NME7: variants seen among roughly 807,000 people sequenced by gnomAD.
NME7 encodes the protein NME/NM23 family member 7.
Under a neutral mutation model 49.1 loss-of-function variants are expected in NME7, and 41 were observed. The observed-to-expected ratio is 0.83, with a 90% CI of 0.65 to 1.08. NME7 has a LOEUF of 1.08. NME7 is among the 50% of genes least tolerant of loss of function. NME7 has a pLI of 0.00. For missense variants in NME7, 423 were observed against 463.4 expected (o/e 0.91, Z 0.80); for synonymous variants, 139 against 150.6 (o/e 0.92, Z 0.56).
At chr1:169,164,900 C>T (rs1052995690) in intron 11 of NME7, among the ~76,000 whole-genome samples, 4 of 152,232 alleles carry the variant, frequency 2.6e-5, no homozygotes, top group African/African-American at 9.6e-5. Flanking sequence ...AGGGTATCTA[C>T]TTTACTGTAG....
chr1:169,335,490 T>C (rs565970568), intron 1 of NME7, among the ~76,000 whole-genome samples: 10 of 151,380 alleles, frequency 6.6e-5, no homozygotes, highest in Non-Finnish European at 4.4e-5. Context: ...TTCTCACTCA[T>C]AAGTGGGAGG....
chr1:169,315,288 G>A (rs1310887022), intron 3 of NME7, among the ~76,000 whole-genome samples: 10 of 137,234 alleles, frequency 7.3e-5, no homozygotes, highest in Admixed American at 2.4e-4. Context: ...TTTTTGAGAT[G>A]GAGTCTCGCT....
chr1:169,273,432 A>G (rs1649568022), intron 7 of NME7, among the ~76,000 whole-genome samples: 1 of 131,794 alleles, frequency 7.6e-6, no homozygotes, highest in Non-Finnish European at 1.8e-5. Context: ...GCGTATATGC[A>G]CCACACTTTC....
At chr1:169,232,474 T>C (rs1381529374) in intron 9 of NME7, among the ~76,000 whole-genome samples, 1 of 150,312 alleles carries the variant, frequency 6.7e-6, no homozygotes, top group Admixed American at 6.6e-5. Flanking sequence ...GGATAATAAA[T>C]GTAAAGAGAA....
chr1:169,206,694 A>G (rs868447643), intron 10 of NME7, among the ~76,000 whole-genome samples: 3 of 152,172 alleles, frequency 2.0e-5, no homozygotes, highest in Non-Finnish European at 2.9e-5. Context: ...AATTATCAGA[A>G]TATTTTATAT....
chr1:169,282,240 G>T lies in NME7; in HGVS notation c.754+5063C>A, dbSNP rs539762080. On this transcript the variant is annotated intron_variant, in intron 7 of 11. Transcript: ENST00000367811. ...GATTTTCTAGTTTATTTGCGTAGAG[G>T]TGTTTAAAATATTCTCTGACGGTAG... Among the ~76,000 whole-genome samples, 17 of 152,284 alleles carry T rather than the reference G, an allele frequency of 1.1e-4. No individual in the cohort carries two copies. In the Middle Eastern group the frequency reaches 0.01, roughly 91 times the overall value.
intron 10 of NME7, among the ~76,000 whole-genome samples, chr1:169,172,671 A>C (rs1659640995): frequency 1.3e-5 from 2 of 152,198 alleles, no homozygotes; most frequent in Admixed American, 1.3e-4. Flanking sequence ...CCAAATGTCT[A>C]AACTCCCCAG....
intron 9 of NME7, among the ~76,000 whole-genome samples, chr1:169,231,480 T>A (rs1219363058): frequency 1.3e-5 from 2 of 152,172 alleles, no homozygotes; most frequent in Non-Finnish European, 2.9e-5. Context: ...GAGGCCAATG[T>A]AGCCTTATTT....
At chr1:169,339,725 T>A (rs757202679) in intron 1 of NME7, among the ~76,000 whole-genome samples, 1 of 152,198 alleles carries the variant, frequency 6.6e-6, no homozygotes. Flanking sequence ...CTCTTCTCCA[T>A]CCTGTTCTAA....
At position 169,133,792 on chromosome 1, in the gene NME7, C is replaced by A. The variant is rs184072608; in HGVS notation, c.1099-975G>T. The stretch of plus-strand genomic sequence containing the variant: ...TTTATGGAAATAGAAGTTTGTCTTG[C>A]AGAAACATCAGCTCATTTTGTAAGG... On this transcript the variant is annotated intron_variant, in intron 11 of 11. Transcript: ENST00000367811. Among the ~76,000 whole-genome samples, 4 of 152,254 alleles carry A rather than the reference C, an allele frequency of 2.6e-5. No homozygotes were observed. In the East Asian group the frequency reaches 7.7e-4, roughly 29 times the overall value.
chr1:169,349,356 G>A (rs1653068103), intron 1 of NME7, among the ~76,000 whole-genome samples: 1 of 151,994 alleles, frequency 6.6e-6, no homozygotes, highest in African/African-American at 2.4e-5. Flanking sequence ...ATCTGGGGTG[G>A]GGGGGTTATC....
chr1:169,306,656 T>G (rs1260621308), intron 4 of NME7, among the ~76,000 whole-genome samples: 1 of 152,162 alleles, frequency 6.6e-6, no homozygotes. Context: ...TTGGAATTCA[T>G]CTATAAGTAA....
At chr1:169,318,110 C>T (rs148488472) in intron 3 of NME7, among the ~76,000 whole-genome samples, 1 of 152,272 alleles carries the variant, frequency 6.6e-6, no homozygotes, top group Non-Finnish European at 1.5e-5. Flanking sequence ...GGATGAGAAC[C>T]CTGGGCAAGT....
At chr1:169,361,640 C>T (rs1284695180) in intron 1 of NME7, among the ~76,000 whole-genome samples, 1 of 151,940 alleles carries the variant, frequency 6.6e-6, no homozygotes, top group African/African-American at 2.4e-5. Context: ...GTTAGCCAGG[C>T]GTGGTGGCAT....
intron 10 of NME7, among the ~76,000 whole-genome samples, chr1:169,181,079 C>G (rs748174126): frequency 9.9e-5 from 15 of 152,090 alleles, no homozygotes; most frequent in Non-Finnish European, 2.2e-4. Context: ...AGCTTGAGGG[C>G]AGTCAATCTA....
At chr1:169,193,096 A>C (rs1660279962) in intron 10 of NME7, among the ~76,000 whole-genome samples, 1 of 152,150 alleles carries the variant, frequency 6.6e-6, no homozygotes, top group Admixed American at 6.5e-5. Flanking sequence ...GGATCACTTA[A>C]GGCCAGGAGT....
At chr1:169,174,650 A>G (rs1357722532) in intron 10 of NME7, among the ~76,000 whole-genome samples, 3 of 152,250 alleles carry the variant, frequency 2.0e-5, no homozygotes, top group East Asian at 1.9e-4. Context: ...ATAAACTTGT[A>G]TAGCATGTTG....
intron 10 of NME7, among the ~76,000 whole-genome samples, chr1:169,175,327 G>A (rs558382296): frequency 1.3e-5 from 2 of 152,082 alleles, no homozygotes; most frequent in African/African-American, 4.8e-5. Context: ...ACCTCCTGAA[G>A]GACCTGCCTC....
chr1:169,196,093 G>A (rs890348185), intron 10 of NME7, among the ~76,000 whole-genome samples: 13 of 152,138 alleles, frequency 8.5e-5, no homozygotes, highest in African/African-American at 2.2e-4. Flanking sequence ...GGATTTCTGC[G>A]AATAAATTGT....
Sources: gnomAD v4.1 joint callset for allele counts (sites outside exome capture counted in the v4.1 genomes callset) on GRCh38, gnomAD v4.1.1 for gene constraint, MANE v1.5 for transcripts, NCBI Gene and HGNC (gene_info 2026-07-23, HGNC 2026-07-21) for gene names.